The following DAB1 variants were observed in gnomAD, a reference collection of about 807,000 sequenced individuals.
The protein encoded by DAB1 is DAB adaptor protein 1, also known as disabled homolog 1.
Under a neutral mutation model 64.6 loss-of-function variants are expected in DAB1, and 15 were observed. The ratio of observed to expected loss-of-function variants is 0.23; its 90% CI spans 0.16 to 0.36. The LOEUF (loss-of-function observed/expected upper bound fraction) is 0.36. Among genes scored for constraint, DAB1 ranks in the 10% least tolerant of loss-of-function variants. The pLI is 1.00. For synonymous variants in DAB1, 235 were observed against 251.9 expected (o/e 0.93, Z 0.64); for missense variants, 596 against 706.7 (o/e 0.84, Z 1.78).
At chr1:57,743,628 C>T (rs992465149) in intron 6 of DAB1, among the ~76,000 whole-genome samples, 3 of 152,152 alleles carry the variant, frequency 2.0e-5, no homozygotes, top group Non-Finnish European at 2.9e-5. Flanking sequence ...CCATGGAGAA[C>T]GTGTTTGAGC....
At chr1:58,219,909 T>C (rs1393140911) in intron 4 of DAB1, among the ~76,000 whole-genome samples, 4 of 152,280 alleles carry the variant, frequency 2.6e-5, no homozygotes, top group South Asian at 2.1e-4. Context: ...GTGCTTACAA[T>C]AGGCTTTTTA....
chr1:58,442,178 T>A (rs1204609779), intron 3 of DAB1, among the ~76,000 whole-genome samples: 1 of 152,238 alleles, frequency 6.6e-6, no homozygotes, highest in African/African-American at 2.4e-5. Context: ...CACGTATGTG[T>A]GCATGAATGC....
At chr1:57,419,255 A>G (rs1684719648) in intron 1 of DAB1, among the ~76,000 whole-genome samples, 1 of 152,332 alleles carries the variant, frequency 6.6e-6, no homozygotes, top group African/African-American at 2.4e-5. Flanking sequence ...GAGTCCAAGA[A>G]TCCTGAGTTG....
rs1039436973 is a variant in DAB1, at chr1:58,317,496, A to T, written n.309+25856T>A. On this transcript the variant is annotated intron_variant and non_coding_transcript_variant, in intron 4 of 20. Transcript: ENST00000485760. ...AGGAAGGGGAAGACAGAGAGATTCA[A>T]CTGGCTTGAAGATGGAAAAAATGGA... is the stretch of plus-strand genomic sequence containing the variant. Among the ~76,000 whole-genome samples, 9 of 152,374 alleles carry T rather than the reference A, an allele frequency of 5.9e-5. No individual in the cohort carries two copies. In the Middle Eastern group the frequency reaches 0.014, roughly 230 times the overall value.
chr1:58,009,335 T>C (rs192532281), intron 5 of DAB1, among the ~76,000 whole-genome samples: 1 of 152,252 alleles, frequency 6.6e-6, no homozygotes, highest in East Asian at 1.9e-4. Context: ...GTGGAACCCA[T>C]CAGAAGTGTC....
intron 6 of DAB1, among the ~76,000 whole-genome samples, chr1:57,651,510 T>C (rs1238724957): frequency 5.9e-5 from 9 of 152,232 alleles, no homozygotes; most frequent in Admixed American, 5.9e-4. Context: ...TATACAGTTA[T>C]ATTTTTCTGG....
chr1:57,490,829 G>C (rs558336585), intron 7 of DAB1, among the ~76,000 whole-genome samples: 1 of 152,290 alleles, frequency 6.6e-6, no homozygotes, highest in South Asian at 2.1e-4. Context: ...CATATCCAAG[G>C]TAGAGAGTTG....
chr1:58,295,359 G>A (rs1024000150), intron 4 of DAB1, among the ~76,000 whole-genome samples: 5 of 152,110 alleles, frequency 3.3e-5, no homozygotes, highest in African/African-American at 1.2e-4. Context: ...TTTCAGTCAC[G>A]AGGCCAGCCA....
At chr1:58,446,391 C>T (rs1230706046) in intron 3 of DAB1, among the ~76,000 whole-genome samples, 1 of 152,196 alleles carries the variant, frequency 6.6e-6, no homozygotes, top group East Asian at 1.9e-4. Context: ...TATCTTCCTT[C>T]CAGAAGCTGT....
chr1:58,456,774 G>A (rs1363679817), intron 3 of DAB1, among the ~76,000 whole-genome samples: 2 of 152,126 alleles, frequency 1.3e-5, no homozygotes, highest in Non-Finnish European at 2.9e-5. Context: ...AAATACCTAA[G>A]GAGCTTGCTG....
intron 5 of DAB1, among the ~76,000 whole-genome samples, chr1:58,150,103 A>AT (rs1342031811): frequency 6.6e-6 from 1 of 152,198 alleles, no homozygotes; most frequent in Non-Finnish European, 1.5e-5. Flanking sequence ...ACTGCAAAAT[A>AT]AGTGTTAGTA....
intron 5 of DAB1, among the ~76,000 whole-genome samples, chr1:58,006,023 C>T (rs1238324890): frequency 6.6e-6 from 1 of 152,152 alleles, no homozygotes; most frequent in Non-Finnish European, 1.5e-5. Flanking sequence ...ATTAACACAG[C>T]AGTGGCAAAA....
At chr1:57,378,518 A>G (rs1231663987) in intron 1 of DAB1, among the ~76,000 whole-genome samples, 1 of 152,170 alleles carries the variant, frequency 6.6e-6, no homozygotes, top group Non-Finnish European at 1.5e-5. Flanking sequence ...TCATCACATG[A>G]GGTATTGGGT....
At chr1:57,047,988 T>C (rs1356151548) in intron 9 of DAB1, among the ~76,000 whole-genome samples, 2 of 152,216 alleles carry the variant, frequency 1.3e-5, no homozygotes, top group Admixed American at 1.3e-4. Context: ...TGGCTGACAT[T>C]TATTGATTGA....
chr1:57,317,440 A>C (rs1210372795), intron 1 of DAB1, among the ~76,000 whole-genome samples: 1 of 151,504 alleles, frequency 6.6e-6, no homozygotes, highest in Non-Finnish European at 1.5e-5. Context: ...ACGTGTTCTT[A>C]AAACACAATT....
At chr1:57,535,170 A>G (rs1644710937) in intron 7 of DAB1, among the ~76,000 whole-genome samples, 2 of 152,094 alleles carry the variant, frequency 1.3e-5, no homozygotes, top group Admixed American at 1.3e-4. Flanking sequence ...GGTTAAATAC[A>G]ATTATTGAGC....
chr1:57,484,379 C>T (rs1644063655), intron 7 of DAB1, among the ~76,000 whole-genome samples: 1 of 152,184 alleles, frequency 6.6e-6, no homozygotes, highest in African/African-American at 2.4e-5. Flanking sequence ...ACGTAGAAAA[C>T]AGCTTGTGGG....
At chr1:58,234,674 T>C (rs1226352727) in intron 4 of DAB1, among the ~76,000 whole-genome samples, 2 of 152,134 alleles carry the variant, frequency 1.3e-5, no homozygotes, top group African/African-American at 2.4e-5. Flanking sequence ...TCCCAGGATA[T>C]CAAAGGCTCA....
At position 58,225,568 on chromosome 1, in the gene DAB1, T is replaced by G. The variant is rs529070540; in HGVS notation, n.310-74980A>C. The stretch of plus-strand genomic sequence containing the variant: ...CAAAGACTTGGAACCAACCCAAATG[T>G]CCAACAATGATAGACTGGATAAAGA... On this transcript the variant is annotated intron_variant and non_coding_transcript_variant, in intron 4 of 20. Coordinates refer to the DAB1 transcript ENST00000485760. 6.6e-5 allele frequency among the ~76,000 whole-genome samples: 10 copies of G among 151,994 alleles called. No individual in the cohort carries two copies. In the East Asian group the frequency reaches 1.9e-3, roughly 30 times the overall value.
Sources: gnomAD v4.1 joint callset for allele counts (sites outside exome capture counted in the v4.1 genomes callset) on GRCh38, gnomAD v4.1.1 for gene constraint, MANE v1.5 for transcripts, NCBI Gene and HGNC (gene_info 2026-07-23, HGNC 2026-07-21) for gene names.